The following PPM1H variants were observed in gnomAD, a reference collection of about 807,000 sequenced individuals.
PPM1H encodes protein phosphatase 1H.
In PPM1H, 27 loss-of-function variants were observed where a neutral mutation model predicts 54.9. The observed-to-expected ratio is 0.49, with a 90% CI of 0.36 to 0.68. The LOEUF (loss-of-function observed/expected upper bound fraction) is 0.68. Among genes scored for constraint, PPM1H ranks in the 30% least tolerant of loss-of-function variants. The pLI, the probability that PPM1H is intolerant of heterozygous loss-of-function variation, is 0.00. For missense variants in PPM1H, 596 were observed against 667.8 expected (o/e 0.89, Z 1.19); for synonymous variants, 305 against 270.8 (o/e 1.13, Z -1.24).
In PPM1H at chr12:62,934,795, C is replaced by A. The variant is rs1411270183; in HGVS notation, c.-59G>T. 2.8e-6 allele frequency: 4 copies of A among 1,404,532 alleles called. No homozygotes were observed. The highest frequency in any genetic ancestry group is 2.8e-6 in the Non-Finnish European group (3 of 1,077,254). 87.0% of individuals were successfully genotyped at this position (1,404,532 alleles called of 1,614,324 possible). A position where few individuals can be genotyped will look rare whatever the true frequency, so the allele number is the denominator to read the frequency against. The stretch of plus-strand genomic sequence containing the variant: ...AGGAGGCGGCGGGGGCCGGGCAAGG[C>A]GCAGCGCGGGGCATGCAGGCTGCGG... On this transcript the variant is annotated 5_prime_UTR_variant, in exon 1 of 10. Transcript: ENST00000228705. This position sits in a 1 kb window ranked among gnomAD's most constrained non-coding sequence, Gnocchi z 4.2.
At chr12:62,683,317 C>A (rs1336416687) in intron 8 of PPM1H, among the ~76,000 whole-genome samples, 2 of 152,082 alleles carry the variant, frequency 1.3e-5, no homozygotes, top group Non-Finnish European at 2.9e-5. Context: ...CCACGTACCA[C>A]ATCTTGTTCT....
At chr12:62,855,028 T>A (rs1284089981) in intron 1 of PPM1H, among the ~76,000 whole-genome samples, 1 of 151,830 alleles carries the variant, frequency 6.6e-6, no homozygotes, top group African/African-American at 2.4e-5. Flanking sequence ...CTTTCCAGAG[T>A]CAAACACAGG....
chr12:62,914,760 C>T (rs1871567625), intron 1 of PPM1H, among the ~76,000 whole-genome samples: 1 of 152,318 alleles, frequency 6.6e-6, no homozygotes, highest in South Asian at 2.1e-4. Context: ...GAACGAGTCA[C>T]ATGGACTCAT....
At position 62,911,504 on chromosome 12, in the gene PPM1H, C is replaced by A. The variant is rs117180367; in HGVS notation, c.245+22988G>T. ...ACGAGTCAGCATTACCTGACAAGTC[C>A]GTTTGGAGATCTTACAGTGTGTGAG... On this transcript the variant is annotated intron_variant, in intron 1 of 9. Coordinates refer to ENST00000228705, the MANE Select transcript of PPM1H (RefSeq NM_020700.2). 8.0e-3 allele frequency among the ~76,000 whole-genome samples: 1,221 copies of A among 152,302 alleles called. 17 individuals carry two copies. The highest frequency in any genetic ancestry group is 0.054 in the Middle Eastern group (16 of 294).
chr12:62,868,996 C>T (rs1869882992), intron 1 of PPM1H, among the ~76,000 whole-genome samples: 1 of 152,142 alleles, frequency 6.6e-6, no homozygotes, highest in South Asian at 2.1e-4. Flanking sequence ...CTCACTGTAC[C>T]CACTGTGTGC....
intron 2 of PPM1H, among the ~76,000 whole-genome samples, chr12:62,820,574 CGTTCTGCAATATTGCG>C (rs1239176519): frequency 3.3e-5 from 5 of 152,204 alleles, no homozygotes; most frequent in Non-Finnish European, 7.3e-5. Context: ...CAACATTTGC[CGTTCTGCAATATTGCG>C]GTTCTGCAGC....
At chr12:62,886,858 CT>C (rs1170924729) in intron 1 of PPM1H, among the ~76,000 whole-genome samples, 1 of 152,208 alleles carries the variant, frequency 6.6e-6, no homozygotes, top group African/African-American at 2.4e-5. Context: ...GGGTTTGCCA[CT>C]GCGGTTTTAA....
chr12:62,829,933 G>GCAGT (rs1231860316), intron 2 of PPM1H, among the ~76,000 whole-genome samples: 1 of 152,212 alleles, frequency 6.6e-6, no homozygotes, highest in Admixed American at 6.5e-5. Flanking sequence ...CTAAGTCACT[G>GCAGT]GCGCCCCTAT....
intron 4 of PPM1H, among the ~76,000 whole-genome samples, chr12:62,786,166 A>T (rs1399224274): frequency 6.6e-6 from 1 of 152,224 alleles, no homozygotes; most frequent in Non-Finnish European, 1.5e-5. Flanking sequence ...ACTCAATTGG[A>T]GCAGACAAAG....
chr12:62,742,720 C>G (rs1178197721), intron 4 of PPM1H, among the ~76,000 whole-genome samples: 1 of 152,164 alleles, frequency 6.6e-6, no homozygotes, highest in African/African-American at 2.4e-5. Flanking sequence ...CCTTCTGGGG[C>G]CTCAGGCCTG....
At chr12:62,676,457 G>T (rs2075986883) in intron 8 of PPM1H, among the ~76,000 whole-genome samples, 1 of 152,182 alleles carries the variant, frequency 6.6e-6, no homozygotes, top group Non-Finnish European at 1.5e-5. Flanking sequence ...GGGTGCAGGT[G>T]CAGCCACCCA....
chr12:62,690,943 C>T (rs1043410938), intron 7 of PPM1H, among the ~76,000 whole-genome samples: 1 of 152,086 alleles, frequency 6.6e-6, no homozygotes, highest in African/African-American at 2.4e-5. Context: ...TGCAGTCTAG[C>T]CTGGGTGACA....
At chr12:62,750,067 CAA>C (rs10564133) in intron 4 of PPM1H, among the ~76,000 whole-genome samples, 5,971 of 145,104 alleles carry the variant, frequency 0.041, 364 homozygotes, top group African/African-American at 0.14. Flanking sequence ...TATCATTTCT[CAA>C]AAAAAAAAAA....
intron 4 of PPM1H, 81 bp from the exon 5 acceptor site, chr12:62,737,667 A>T: frequency 3.1e-6 from 3 of 981,886 alleles, no homozygotes; most frequent in Non-Finnish European, 4.4e-6. Context: ...GGTTCAGGTC[A>T]CACATGAAAT....
Position 62,934,183 on chromosome 12 carries a change from T to C in PPM1H, c.245+309A>G. 3.0e-6 allele frequency: 1 copy of C among 336,182 alleles called. No homozygotes were observed. Among genetic ancestry groups the C allele is most frequent in the Non-Finnish European group, 5.4e-6 (1 of 185,470 alleles). The allele number at this position is 336,182 out of a possible 1,614,324, so 20.8% of individuals were successfully genotyped here. ...ACTTCAGAGCTTTTCTGCCCGTTTTTTTTCCCCAAGTGACAGAGACCCCGG... is the reference window on the plus strand; with the variant it reads ...ACTTCAGAGCTTTTCTGCCCGTTTTCTTTCCCCAAGTGACAGAGACCCCGG... On this transcript the variant is annotated intron_variant, in intron 1 of 9. Transcript: ENST00000228705. This position sits in a 1 kb window ranked among gnomAD's most constrained non-coding sequence, Gnocchi z 4.2.
At chr12:62,692,426 C>T (rs1426928155) in intron 7 of PPM1H, among the ~76,000 whole-genome samples, 1 of 152,186 alleles carries the variant, frequency 6.6e-6, no homozygotes, top group East Asian at 1.9e-4. Context: ...TCCAAGAATA[C>T]ATCATTCCAT....
intron 9 of PPM1H, among the ~76,000 whole-genome samples, chr12:62,660,040 C>A (rs537635196): frequency 2.0e-5 from 3 of 152,306 alleles, no homozygotes; most frequent in African/African-American, 7.2e-5. Context: ...CTAATAGAGC[C>A]TCTGGAATTA....
At chr12:62,804,875 C>A (rs1027900178) in intron 2 of PPM1H, among the ~76,000 whole-genome samples, 17 of 151,546 alleles carry the variant, frequency 1.1e-4, no homozygotes, top group African/African-American at 4.1e-4. Flanking sequence ...CGGGGTTTCA[C>A]CGTTTTAGCT....
chr12:62,894,358 G>C (rs962014694), intron 1 of PPM1H, among the ~76,000 whole-genome samples: 1 of 152,116 alleles, frequency 6.6e-6, no homozygotes, highest in South Asian at 2.1e-4. Flanking sequence ...ATATACAGTA[G>C]CCAAGACCCA....
Sources: gnomAD v4.1 joint callset for allele counts (sites outside exome capture counted in the v4.1 genomes callset) on GRCh38, gnomAD v4.1.1 for gene constraint, Gnocchi (gnomAD v3.1) non-coding constraint, MANE v1.5 for transcripts, NCBI Gene and HGNC (gene_info 2026-07-23, HGNC 2026-07-21) for gene names.